LUZP2: variants seen among roughly 807,000 people sequenced by gnomAD.
The protein encoded by LUZP2 is leucine zipper protein 2.
LUZP2 carries 52 observed loss-of-function variants against 51.6 expected under a neutral mutation model. That is an observed-to-expected ratio of 1.01 (90% confidence interval 0.81 to 1.27). LUZP2 has a LOEUF of 1.27. Among genes scored for constraint, LUZP2 ranks in the 50% most tolerant of loss-of-function variants. LUZP2 has a pLI of 0.00. For synonymous variants in LUZP2, 154 were observed against 137.3 expected (o/e 1.12, Z -0.85); for missense variants, 436 against 395.4 (o/e 1.10, Z -0.87).
intron 7 of LUZP2, among the ~76,000 whole-genome samples, chr11:24,960,595 C>T (rs945905800): frequency 6.6e-6 from 1 of 151,730 alleles, no homozygotes; most frequent in African/African-American, 2.4e-5. Flanking sequence ...TGGTGATATC[C>T]CCTTTATCAT....
intron 4 of LUZP2, among the ~76,000 whole-genome samples, chr11:24,752,089 A>C (rs1859612997): frequency 6.6e-6 from 1 of 152,172 alleles, no homozygotes; most frequent in South Asian, 2.1e-4. Flanking sequence ...TAAAATATGC[A>C]TTAAAAGCTA....
intron 7 of LUZP2, among the ~76,000 whole-genome samples, chr11:24,922,256 G>A (rs543685488): frequency 6.6e-6 from 1 of 152,228 alleles, no homozygotes. Context: ...ACAGTGGCAT[G>A]TGTCATCATT....
chr11:25,063,106 G>A (rs1409564488), intron 10 of LUZP2, among the ~76,000 whole-genome samples: 1 of 150,886 alleles, frequency 6.6e-6, no homozygotes, highest in African/African-American at 2.4e-5. Flanking sequence ...AACCAACCAC[G>A]GATCAAAAAT....
At chr11:24,784,429 G>T (rs1473934724) in intron 5 of LUZP2, among the ~76,000 whole-genome samples, 1 of 151,742 alleles carries the variant, frequency 6.6e-6, no homozygotes, top group Non-Finnish European at 1.5e-5. Flanking sequence ...TAATGGTGTT[G>T]GTTCTATTAG....
At position 24,668,356 on chromosome 11, in the gene LUZP2, G is replaced by A. The variant is rs1019168283; in HGVS notation, c.63-60813G>A. On this transcript the variant is annotated intron_variant, in intron 1 of 11. Transcript: ENST00000336930. ...GGCTAGATGCAGGAGGTCAAAGAACGTCCTTGGAATTTGATACATGTTTCT... is the reference window on the plus strand; with the variant it reads ...GGCTAGATGCAGGAGGTCAAAGAACATCCTTGGAATTTGATACATGTTTCT... 9.8e-5 allele frequency among the ~76,000 whole-genome samples: 15 copies of A among 152,314 alleles called. No homozygotes were observed. The South Asian group carries it at 1.9e-3, about 19-fold the overall frequency.
At chr11:24,986,149 C>G (rs1433012045) in intron 9 of LUZP2, among the ~76,000 whole-genome samples, 4 of 151,678 alleles carry the variant, frequency 2.6e-5, no homozygotes, top group Non-Finnish European at 5.9e-5. Context: ...ATGATAAATA[C>G]TCCAGTGGTC....
intron 1 of LUZP2, among the ~76,000 whole-genome samples, chr11:24,508,569 G>A (rs1850209685): frequency 6.6e-6 from 1 of 152,100 alleles, no homozygotes; most frequent in Admixed American, 6.6e-5. Context: ...TCTTCCAAGT[G>A]TTAATTGTGG....
intron 1 of LUZP2, among the ~76,000 whole-genome samples, chr11:24,546,944 G>A (rs1010549194): frequency 6.9e-6 from 1 of 145,044 alleles, no homozygotes; most frequent in Non-Finnish European, 1.5e-5. Flanking sequence ...GTGTGTTTTT[G>A]TTGTTGTTGT....
At chr11:25,018,714 T>G (rs938947006) in intron 9 of LUZP2, among the ~76,000 whole-genome samples, 1 of 151,370 alleles carries the variant, frequency 6.6e-6, no homozygotes, top group African/African-American at 2.4e-5. Flanking sequence ...TTCAAGTGAT[T>G]CTCATGCCTC....
intron 1 of LUZP2, among the ~76,000 whole-genome samples, chr11:24,659,633 G>A (rs370949251): frequency 2.2e-4 from 33 of 151,626 alleles, no homozygotes; most frequent in African/African-American, 7.3e-4. Flanking sequence ...TTGGCAGCCC[G>A]TTCAAGCCTA....
intron 1 of LUZP2, among the ~76,000 whole-genome samples, chr11:24,629,397 G>T: frequency 6.6e-6 from 1 of 150,950 alleles, no homozygotes; most frequent in East Asian, 1.9e-4. Context: ...TTATATTGCT[G>T]TAAAATACAT....
intron 1 of LUZP2, among the ~76,000 whole-genome samples, chr11:24,638,702 G>T (rs1450802898): frequency 1.3e-5 from 2 of 151,326 alleles, no homozygotes; most frequent in Non-Finnish European, 2.9e-5. Context: ...GGAAATTAGT[G>T]AGATATAAAG....
chr11:24,585,468 A>T (rs1853031770), intron 1 of LUZP2, among the ~76,000 whole-genome samples: 1 of 152,194 alleles, frequency 6.6e-6, no homozygotes, highest in African/African-American at 2.4e-5. Context: ...GAATTGCTTA[A>T]ACCAACAGAA....
intron 1 of LUZP2, among the ~76,000 whole-genome samples, chr11:24,645,654 G>A (rs1246992309): frequency 6.6e-6 from 1 of 152,020 alleles, no homozygotes; most frequent in Non-Finnish European, 1.5e-5. Context: ...CAATCTGCCA[G>A]TAATTTTTCT....
chr11:24,796,714 GA>G (rs1590544846), intron 5 of LUZP2, among the ~76,000 whole-genome samples: 1 of 151,982 alleles, frequency 6.6e-6, no homozygotes, highest in East Asian at 1.9e-4. Context: ...TAAAAATGCA[GA>G]TCATATAATA....
intron 9 of LUZP2, among the ~76,000 whole-genome samples, chr11:25,025,716 C>T (rs566666370): frequency 7.2e-5 from 11 of 152,196 alleles, no homozygotes; most frequent in Admixed American, 1.3e-4. Context: ...TAGTTCAACC[C>T]TTGTGGAAGA....
intron 1 of LUZP2, among the ~76,000 whole-genome samples, chr11:24,541,628 G>A (rs1275913800): frequency 6.6e-6 from 1 of 152,064 alleles, no homozygotes; most frequent in African/African-American, 2.4e-5. Flanking sequence ...CAAAACAATT[G>A]ATTATGTTGA....
intron 1 of LUZP2, among the ~76,000 whole-genome samples, chr11:24,613,211 G>C (rs1854177001): frequency 6.6e-6 from 1 of 152,078 alleles, no homozygotes; most frequent in Non-Finnish European, 1.5e-5. Context: ...ACTTGGTAAA[G>C]GGGTGAATTC....
chr11:24,990,013 T>A lies in LUZP2; in HGVS notation c.765+6720T>A, dbSNP rs1005279242. ...CATTTAATCCTACTTTTAGGTGGGA[T>A]CATTTAAAATATTGCCACATATTCT... On this transcript the variant is annotated intron_variant, in intron 9 of 11. Transcript: ENST00000336930. Among the ~76,000 whole-genome samples the A allele has an allele frequency of 2.0e-5, 3 of 152,128 alleles. No homozygotes were observed. In the East Asian group the frequency reaches 5.8e-4, roughly 29 times the overall value.
Sources: allele counts gnomAD v4.1 joint callset (sites outside exome capture counted in the v4.1 genomes callset), GRCh38; gene constraint gnomAD v4.1.1; transcripts MANE v1.5; gene names NCBI Gene and HGNC (gene_info 2026-07-23, HGNC 2026-07-21).